CTDSPL2: variants seen among roughly 807,000 people sequenced by gnomAD.
The protein encoded by CTDSPL2 is CTD small phosphatase like 2.
In CTDSPL2, 5 loss-of-function variants were observed where a neutral mutation model predicts 60.0. The observed-to-expected ratio is 0.08, with a 90% confidence interval of 0.04 to 0.18. The LOEUF (loss-of-function observed/expected upper bound fraction) is 0.18, where lower values mean the gene tolerates loss of function less well. CTDSPL2 is among the 10% of genes least tolerant of loss of function. CTDSPL2 has a pLI of 1.00. For synonymous variants in CTDSPL2, 186 were observed against 189.3 expected (o/e 0.98, Z 0.14); for missense variants, 370 against 548.8 (o/e 0.67, Z 3.26).
At chr15:44,460,377 G>A (rs2080542523) in intron 2 of CTDSPL2, among the ~76,000 whole-genome samples, 1 of 152,092 alleles carries the variant, frequency 6.6e-6, no homozygotes, top group Non-Finnish European at 1.5e-5. Flanking sequence ...CAAAGTGCTG[G>A]GATTATAGGC....
chr15:44,508,280 C>T (rs866694981), intron 8 of CTDSPL2, among the ~76,000 whole-genome samples: 4 of 151,756 alleles, frequency 2.6e-5, no homozygotes, highest in African/African-American at 4.8e-5. Context: ...GACAGGGTTT[C>T]GCCATGTTGC....
chr15:44,479,464 T>G (rs2080985883), intron 2 of CTDSPL2, among the ~76,000 whole-genome samples: 1 of 145,464 alleles, frequency 6.9e-6, no homozygotes, highest in Admixed American at 7.1e-5. Flanking sequence ...CAGGTTGCAG[T>G]GGCATGGTCA....
intron 5 of CTDSPL2, among the ~76,000 whole-genome samples, chr15:44,494,932 G>GA (rs542571478): frequency 1.7e-3 from 257 of 151,890 alleles, no homozygotes; most frequent in Non-Finnish European, 2.6e-3. Flanking sequence ...AACAAACAAA[G>GA]AAAAAAACAG....
chr15:44,471,880 C>T (rs979692131), intron 2 of CTDSPL2, among the ~76,000 whole-genome samples: 5 of 151,218 alleles, frequency 3.3e-5, no homozygotes, highest in African/African-American at 9.7e-5. Flanking sequence ...TTATGTCTGG[C>T]TTCTTTCACT....
intron 1 of CTDSPL2, among the ~76,000 whole-genome samples, chr15:44,444,397 T>TGC (rs1446029231): frequency 6.6e-6 from 1 of 150,824 alleles, no homozygotes; most frequent in Non-Finnish European, 1.5e-5. Context: ...CAGGTTGGAG[T>TGC]GCAGTGGTGC....
At position 44,524,101 on chromosome 15, in the gene CTDSPL2, C is replaced by T. The variant is rs1295460120; in HGVS notation, c.1336-8C>T. Reference sequence around the variant, plus strand: ...TGCCTTTTTAAAAATTGTCTTTTTTCCACGCAGAATGAAGATGTTCGACCA... The same window carrying T: ...TGCCTTTTTAAAAATTGTCTTTTTTTCACGCAGAATGAAGATGTTCGACCA... On this transcript the variant is annotated splice_region_variant and splice_polypyrimidine_tract_variant and intron_variant, in intron 12 of 12. Coordinates refer to ENST00000260327, the MANE Select transcript of CTDSPL2 (RefSeq NM_016396.3). 2 of 1,612,546 alleles carry T rather than the reference C, an allele frequency of 1.2e-6. No individual in the cohort carries two copies. The highest frequency in any genetic ancestry group is 1.7e-6 in the Non-Finnish European group (2 of 1,179,046).
chr15:44,472,341 T>C (rs1359327140), intron 2 of CTDSPL2, among the ~76,000 whole-genome samples: 3 of 152,188 alleles, frequency 2.0e-5, no homozygotes, highest in Admixed American at 1.3e-4. Context: ...TTGAGGACAA[T>C]CAACACTTGT....
At chr15:44,455,113 G>A (rs1367271928) in intron 1 of CTDSPL2, among the ~76,000 whole-genome samples, 2 of 152,262 alleles carry the variant, frequency 1.3e-5, no homozygotes, top group East Asian at 3.9e-4. Flanking sequence ...GCAGTGGTTT[G>A]TAGTTCTTCT....
chr15:44,521,957 A>AC (rs2081783220), intron 12 of CTDSPL2, among the ~76,000 whole-genome samples: 3 of 149,634 alleles, frequency 2.0e-5, no homozygotes, highest in East Asian at 1.9e-4. Context: ...AAAAAAAAAA[A>AC]AAAAAACATG....
chr15:44,471,887 C>G (rs928825703), intron 2 of CTDSPL2, among the ~76,000 whole-genome samples: 2 of 151,382 alleles, frequency 1.3e-5, no homozygotes, highest in Non-Finnish European at 2.9e-5. Flanking sequence ...TGGCTTCTTT[C>G]ACTTAGCATG....
intron 5 of CTDSPL2, among the ~76,000 whole-genome samples, chr15:44,495,543 C>A (rs556914466): frequency 1.3e-5 from 2 of 148,880 alleles, no homozygotes; most frequent in Non-Finnish European, 3.0e-5. Context: ...AGCGAGACTC[C>A]GCCTCAAAAA....
intron 3 of CTDSPL2, among the ~76,000 whole-genome samples, chr15:44,485,668 TG>T (rs2081105789): frequency 6.6e-6 from 1 of 152,056 alleles, no homozygotes; most frequent in African/African-American, 2.4e-5. Context: ...CTGGTACCAG[TG>T]GGTATGGGGT....
chr15:44,444,016 C>A (rs1378717554), intron 1 of CTDSPL2, among the ~76,000 whole-genome samples: 1 of 151,990 alleles, frequency 6.6e-6, no homozygotes, highest in African/African-American at 2.4e-5. Context: ...GATCCTCCCA[C>A]CTCAGCTTCC....
chr15:44,496,925 C>T, intron 6 of CTDSPL2, 102 bp from the exon 7 acceptor site: 1 of 588,788 alleles, frequency 1.7e-6, no homozygotes, highest in Non-Finnish European at 3.0e-6. Flanking sequence ...GTTTTGTTTT[C>T]TGGGTTAACT....
rs1292683616 is a variant in CTDSPL2, at chr15:44,499,723, T to G, written c.883-4T>G. 1.9e-6 allele frequency: 3 copies of G among 1,543,332 alleles called. No individual in the cohort carries two copies. Among genetic ancestry groups the G allele is most frequent in the Non-Finnish European group, 1.8e-6 (2 of 1,126,798 alleles). On this transcript the variant is annotated splice_polypyrimidine_tract_variant and splice_region_variant and intron_variant, in intron 7 of 12. Coordinates refer to ENST00000260327, the MANE Select transcript of CTDSPL2 (RefSeq NM_016396.3). ...TTCATTCAATTTCTGTTTTTTATTT[T>G]AAGGATGAAACACTAGTGCATTGTA... is the stretch of plus-strand genomic sequence containing the variant.
rs1214731676 is a variant in CTDSPL2 at position 44,525,967 on chromosome 15, A to C, written c.*1793A>C. Reference sequence around the variant, plus strand: ...TTCATTAAAAAAATAATCATGGCAGATTTTCTGCAAAAAAAAAACAAAAGC... The same window carrying C: ...TTCATTAAAAAAATAATCATGGCAGCTTTTCTGCAAAAAAAAAACAAAAGC... On this transcript the variant is annotated 3_prime_UTR_variant, in exon 13 of 13. Coordinates refer to ENST00000260327, the MANE Select transcript of CTDSPL2 (RefSeq NM_016396.3). 6.6e-6 allele frequency: 1 copy of C among 151,486 alleles called. No individual in the cohort carries two copies. The highest frequency in any genetic ancestry group is 2.4e-5 in the African/African-American group (1 of 40,878). 9.4% of individuals were successfully genotyped at this position (151,486 alleles called of 1,614,324 possible).
At chr15:44,504,534 C>T (rs2081427502) in intron 8 of CTDSPL2, among the ~76,000 whole-genome samples, 1 of 151,928 alleles carries the variant, frequency 6.6e-6, no homozygotes, top group African/African-American at 2.4e-5. Flanking sequence ...TGATACTAAC[C>T]AACATGCACA....
chr15:44,492,164 C>T (rs921751632), intron 5 of CTDSPL2, among the ~76,000 whole-genome samples: 14 of 152,056 alleles, frequency 9.2e-5, no homozygotes, highest in East Asian at 3.9e-4. Flanking sequence ...CCATTGCGCC[C>T]GGCCAAAAAA....
chr15:44,455,442 A>C (rs2080414925), intron 1 of CTDSPL2, among the ~76,000 whole-genome samples: 1 of 152,172 alleles, frequency 6.6e-6, no homozygotes, highest in Admixed American at 6.5e-5. Context: ...CCCTGTCCAG[A>C]ACTTCCAACA....
Sources: allele counts gnomAD v4.1 joint callset (sites outside exome capture counted in the v4.1 genomes callset), GRCh38; gene constraint gnomAD v4.1.1; transcripts MANE v1.5; gene names NCBI Gene and HGNC (gene_info 2026-07-23, HGNC 2026-07-21).